Variants in TULP4 observed in about 807,000 individuals in gnomAD.
The protein encoded by TULP4 is tubby-related protein 4.
Under a neutral mutation model 129.0 loss-of-function variants are expected in TULP4, and 16 were observed. That is an observed-to-expected ratio of 0.12 (90% CI 0.08 to 0.19). TULP4 has a LOEUF of 0.19. Ranked by LOEUF, TULP4 falls within the 10% of genes least tolerant of loss-of-function variation. The pLI, the probability that TULP4 is intolerant of heterozygous loss-of-function variation, is 1.00. For synonymous variants in TULP4, 998 were observed against 854.0 expected, an observed-to-expected ratio of 1.17 and a Z score of -2.94; for missense variants, 1,842 against 2,059.1, an observed-to-expected ratio of 0.89 and a Z score of 2.04.
In TULP4 at chr6:158,238,339, G is replaced by C. The variant is rs571978859; in HGVS notation, n.68+6036G>C. The C allele has an allele frequency of 5.8e-5, 46 of 787,494 alleles. 1 individual carries two copies. In the East Asian group the frequency reaches 1.1e-3, roughly 19 times the overall value. The allele number at this position is 787,494 out of a possible 1,614,324, so 48.8% of individuals were successfully genotyped here. On this transcript the variant is annotated intron_variant and non_coding_transcript_variant, in intron 1 of 1. Transcript: ENST00000620026. ...AGGTGAGAGATGCTCGGGACTTTGG[G>C]AATGTAAACTGGCAGATATTTTGAG... is the stretch of plus-strand genomic sequence containing the variant.
At chr6:158,359,925 T>G (rs2114831393) in intron 1 of TULP4, among the ~76,000 whole-genome samples, 1 of 152,340 alleles carries the variant, frequency 6.6e-6, no homozygotes, top group East Asian at 1.9e-4. Flanking sequence ...GTTCTGCTCT[T>G]GCCCATTCAC....
At chr6:158,287,467 G>C (rs192751561) in intron 1 of TULP4, among the ~76,000 whole-genome samples, 1 of 152,074 alleles carries the variant, frequency 6.6e-6, no homozygotes, top group Non-Finnish European at 1.5e-5. Context: ...TAATATATAC[G>C]TACATTTTGC....
At chr6:158,474,846 A>G (rs1482100199) in intron 6 of TULP4, among the ~76,000 whole-genome samples, 1 of 152,152 alleles carries the variant, frequency 6.6e-6, no homozygotes, top group Non-Finnish European at 1.5e-5. Context: ...TGGCACTCCA[A>G]AAGTCAGATT....
At position 158,413,226 on chromosome 6, in the gene TULP4, G is replaced by T; in HGVS notation, c.381+33G>T. ...GCAGGCGCAGCTCTGCCAGTGAAGG[G>T]CTGCGGGGTAGAGGACTCCCAGACA... On this transcript the variant is annotated intron_variant, in intron 2 of 13. Transcript: ENST00000367097. This position sits in a 1 kb window ranked among gnomAD's most constrained non-coding sequence, Gnocchi z 4.9. 1 of 1,594,448 alleles carries T rather than the reference G, an allele frequency of 6.3e-7. No individual in the cohort carries two copies. The highest frequency in any genetic ancestry group is 1.1e-5 in the South Asian group (1 of 89,246).
rs1440192162 is a variant in TULP4 at position 158,342,388 on chromosome 6, A to G, written c.252+28120A>G. Among the ~76,000 whole-genome samples, 3 of 152,284 alleles carry G rather than the reference A, an allele frequency of 2.0e-5. No homozygotes were observed. The East Asian group carries it at 5.8e-4, about 29-fold the overall frequency. The stretch of plus-strand genomic sequence containing the variant: ...TGTAATATTTATCAACATGAGTCAC[A>G]TTTTCACTTTCTTGTTCATTTGCAC... On this transcript the variant is annotated intron_variant, in intron 1 of 13. Transcript: ENST00000367097.
chr6:158,411,260 G>C (rs759860029), intron 1 of TULP4, among the ~76,000 whole-genome samples: 1 of 151,834 alleles, frequency 6.6e-6, no homozygotes, highest in East Asian at 1.9e-4. Context: ...CATAATTGCT[G>C]TGTGTCAGTA....
At chr6:158,369,434 G>A (rs1481877356) in intron 1 of TULP4, among the ~76,000 whole-genome samples, 1 of 152,172 alleles carries the variant, frequency 6.6e-6, no homozygotes, top group East Asian at 1.9e-4. Context: ...GGGACATCAC[G>A]GCTGAAGTGA....
At chr6:158,389,793 G>A (rs901384364) in intron 1 of TULP4, among the ~76,000 whole-genome samples, 1 of 152,086 alleles carries the variant, frequency 6.6e-6, no homozygotes, top group Non-Finnish European at 1.5e-5. Context: ...TTGGTTTGAG[G>A]TTAGAATATC....
At chr6:158,402,978 T>A (rs1388251853) in intron 1 of TULP4, among the ~76,000 whole-genome samples, 1 of 152,144 alleles carries the variant, frequency 6.6e-6, no homozygotes. Flanking sequence ...TGTTTTGTGT[T>A]TACTTAAAAC....
intron 1 of TULP4, among the ~76,000 whole-genome samples, chr6:158,378,484 T>TTTTTG (rs1232571783): frequency 7.7e-6 from 1 of 129,212 alleles, no homozygotes; most frequent in African/African-American, 3.1e-5. Context: ...TTTTTTTTTT[T>TTTTTG]TGGTGGGGGT....
chr6:158,338,415 T>C (rs1186715221), intron 1 of TULP4, among the ~76,000 whole-genome samples: 1 of 152,180 alleles, frequency 6.6e-6, no homozygotes, highest in Non-Finnish European at 1.5e-5. Flanking sequence ...GAACATGATA[T>C]TGCAATTAAA....
At chr6:158,281,214 ATT>A (rs56246802), upstream of TULP4, among the ~76,000 whole-genome samples, 80 of 143,922 alleles carry the variant, frequency 5.6e-4, no homozygotes, top group Admixed American at 9.0e-4. Flanking sequence ...TCCTGCCGTA[ATT>A]TTTTTTTTTT....
chr6:158,447,548 T>C (rs1276379802), intron 3 of TULP4, among the ~76,000 whole-genome samples: 2 of 152,352 alleles, frequency 1.3e-5, no homozygotes, highest in African/African-American at 4.8e-5. Flanking sequence ...ATTTATATCC[T>C]AAAATTGCCT....
At chr6:158,331,770 C>T (rs765038745) in intron 1 of TULP4, among the ~76,000 whole-genome samples, 181 of 10,956 alleles carry the variant, frequency 0.017, 21 homozygotes, top group East Asian at 0.054. Flanking sequence ...TATATATACA[C>T]GTATATATAC....
rs774770935 is a variant in TULP4 at position 158,503,486 on chromosome 6, C to G, written c.3823C>G (p.Pro1275Ala). The G allele has an allele frequency of 6.2e-6, 10 of 1,613,812 alleles. No homozygotes were observed. The South Asian group carries it at 8.8e-5, about 14-fold the overall frequency. Residue 1275 changes from proline to alanine, a missense_variant, in exon 13 of 14, where the codon CCC becomes GCC. By Grantham distance (27) the Pro-to-Ala change is conservative. Transcript: ENST00000367097. This position sits in a 1 kb window ranked among gnomAD's most constrained non-coding sequence, Gnocchi z 4.3. ...SYSACPPMQN[P>A]QGTLPPKPHL... ...CAGCGCCTGCCCGCCCATGCAGAAC[C>G]CCCAGGGCACTCTCCCCCCAAAGCC...
At chr6:158,317,430 C>T in intron 1 of TULP4, among the ~76,000 whole-genome samples, 1 of 147,968 alleles carries the variant, frequency 6.8e-6, no homozygotes, top group African/African-American at 2.5e-5. Context: ...GGTTTTCTGT[C>T]CTTGTGATAG....
intron 6 of TULP4, among the ~76,000 whole-genome samples, chr6:158,475,076 G>A (rs561314913): frequency 2.0e-5 from 3 of 152,364 alleles, no homozygotes; most frequent in South Asian, 2.1e-4. Context: ...TTGGCTGGAC[G>A]CATGGCATGT....
At chr6:158,476,371 T>C (rs2128248635) in intron 6 of TULP4, among the ~76,000 whole-genome samples, 2 of 152,260 alleles carry the variant, frequency 1.3e-5, no homozygotes, top group Middle Eastern at 3.4e-3. Flanking sequence ...TAATAATTAT[T>C]CCTTTGAGAC....
intron 1 of TULP4, among the ~76,000 whole-genome samples, chr6:158,357,688 C>G (rs1195745989): frequency 6.6e-6 from 1 of 152,140 alleles, no homozygotes; most frequent in Admixed American, 6.5e-5. Flanking sequence ...CCTGGCCTTC[C>G]CTGAGGGATT....
Sources: allele counts gnomAD v4.1 joint callset (sites outside exome capture counted in the v4.1 genomes callset), GRCh38; gene constraint gnomAD v4.1.1; non-coding constraint Gnocchi (gnomAD v3.1); transcripts MANE v1.5; gene names NCBI Gene and HGNC (gene_info 2026-07-23, HGNC 2026-07-21).